Variants in SLCO2A1 observed in about 807,000 individuals in gnomAD.
The protein encoded by SLCO2A1 is matrin F/G 1.
In SLCO2A1, 60 loss-of-function variants were observed where a neutral mutation model predicts 71.7. The observed-to-expected ratio is 0.84, with a 90% CI of 0.68 to 1.04. The LOEUF is 1.04. Ranked by LOEUF, SLCO2A1 falls within the 50% of genes least tolerant of loss-of-function variation. The pLI, the probability that SLCO2A1 is intolerant of heterozygous loss-of-function variation, is 0.00. For synonymous variants in SLCO2A1, 308 were observed against 326.7 expected, an observed-to-expected ratio of 0.94 and a Z score of 0.62; for missense variants, 745 against 813.4, an observed-to-expected ratio of 0.92 and a Z score of 1.02.
intron 1 of SLCO2A1, among the ~76,000 whole-genome samples, chr3:133,995,690 C>T (rs115791879): frequency 4.6e-5 from 7 of 152,158 alleles, no homozygotes; most frequent in Admixed American, 1.3e-4. Flanking sequence ...ACCTGTGGTG[C>T]CAGCAAGGCA....
intron 12 of SLCO2A1, 92 bp from the exon 13 acceptor site, chr3:133,935,989 C>T: frequency 1.5e-6 from 2 of 1,341,506 alleles, no homozygotes; most frequent in Non-Finnish European, 9.8e-7. Context: ...ACACAGTTCA[C>T]ATACATGAGA....
At chr3:133,987,178 G>C (rs1934737325) in intron 1 of SLCO2A1, among the ~76,000 whole-genome samples, 1 of 62,974 alleles carries the variant, frequency 1.6e-5, no homozygotes, top group Non-Finnish European at 2.9e-5. Flanking sequence ...TCCCCATTGT[G>C]AATGGACTTC....
At chr3:133,938,922 T>C (rs1308222568) in intron 11 of SLCO2A1, among the ~76,000 whole-genome samples, 1 of 152,002 alleles carries the variant, frequency 6.6e-6, no homozygotes, top group African/African-American at 2.4e-5. Context: ...GGTGTGTTGA[T>C]AGCAGCAGGT....
At chr3:133,943,747 A>G (rs1933491967) in intron 10 of SLCO2A1, among the ~76,000 whole-genome samples, 1 of 152,216 alleles carries the variant, frequency 6.6e-6, no homozygotes, top group Admixed American at 6.5e-5. Flanking sequence ...AGAAGCCACC[A>G]CAACTGGAAG....
At chr3:133,942,511 G>T in intron 11 of SLCO2A1, 94 bp downstream of exon 11, 1 of 1,314,250 alleles carries the variant, frequency 7.6e-7, no homozygotes, top group Non-Finnish European at 1.0e-6. Flanking sequence ...ACAAAAGGGG[G>T]GAGAGATGAG....
At chr3:133,947,159 A>T in intron 9 of SLCO2A1, 97 bp downstream of exon 9, 1 of 1,079,926 alleles carries the variant, frequency 9.3e-7, no homozygotes, top group Non-Finnish European at 1.3e-6. Context: ...TGTACAGCAA[A>T]GAATAGAGTT....
chr3:133,942,647 A>G lies in SLCO2A1; in HGVS notation c.1583T>C (p.Ile528Thr), dbSNP rs765190728. ...GAGGGGGTTGTGGGAGATGCAGGCTATCAGGGACACGAAGGAGATGAGGAA... is the reference window on the plus strand; with the variant it reads ...GAGGGGGTTGTGGGAGATGCAGGCTGTCAGGGACACGAAGGAGATGAGGAA... ...AIFLISFVSL[I>T]ACISHNPLYM... Residue 528 changes from isoleucine to threonine, a missense_variant, in exon 11 of 14, where the codon ATA (isoleucine) becomes ACA (threonine). By Grantham distance (89) the Ile-to-Thr change is moderately conservative (BLOSUM62 -1). Transcript: ENST00000310926. 3.1e-6 allele frequency: 5 copies of G among 1,613,878 alleles called. No individual in the cohort carries two copies. The South Asian group carries it at 5.5e-5, about 18-fold the overall frequency.
chr3:133,992,416 C>A (rs1934874597), intron 1 of SLCO2A1, among the ~76,000 whole-genome samples: 1 of 152,180 alleles, frequency 6.6e-6, no homozygotes, highest in South Asian at 2.1e-4. Context: ...CACCAGTCAT[C>A]CTAAAAAGCT....
At position 133,942,689 on chromosome 3, in the gene SLCO2A1, A is replaced by G; in HGVS notation, c.1541T>C (p.Phe514Ser). 1 of 1,614,106 alleles carries G rather than the reference A, an allele frequency of 6.2e-7. No homozygotes were observed. Among genetic ancestry groups the G allele is most frequent in the Non-Finnish European group, 8.5e-7 (1 of 1,180,004 alleles). Residue 514 changes from phenylalanine to serine, a missense_variant, in exon 11 of 14, where the codon TTC becomes TCC. Physicochemically the swap from Phe to Ser is radical, Grantham distance 155. Transcript: ENST00000310926. ...GATGAGGAAGATGGCCGGGAGCAGG[A>G]AGTGGGCACAGGGGACAGGGCACGA... ...TGSCPVPCAH[F>S]LLPAIFLISF... is the part of the protein sequence containing the mutation.
intron 3 of SLCO2A1, among the ~76,000 whole-genome samples, chr3:133,968,157 G>T (rs1934232460): frequency 7.0e-6 from 1 of 143,492 alleles, no homozygotes; most frequent in Admixed American, 7.0e-5. Flanking sequence ...TCCTACCCAA[G>T]TCCTTCCCAT....
intron 9 of SLCO2A1, among the ~76,000 whole-genome samples, chr3:133,946,163 C>G (rs146375806): frequency 2.8e-3 from 419 of 151,948 alleles, no homozygotes; most frequent in African/African-American, 9.9e-3. Flanking sequence ...GAGCTCCCTA[C>G]CCCGAGCAAC....
At chr3:134,002,140 G>A (rs1001043899) in intron 1 of SLCO2A1, among the ~76,000 whole-genome samples, 7 of 152,180 alleles carry the variant, frequency 4.6e-5, no homozygotes, top group Non-Finnish European at 8.8e-5. Context: ...CTCCCAAAAC[G>A]TTTGCCATTT....
At chr3:133,996,124 G>A (rs1934958457) in intron 1 of SLCO2A1, among the ~76,000 whole-genome samples, 1 of 152,192 alleles carries the variant, frequency 6.6e-6, no homozygotes, top group African/African-American at 2.4e-5. Context: ...CTTGGGGCTG[G>A]TGGTGAACAG....
At chr3:133,950,783 C>T (rs1190027062) in intron 6 of SLCO2A1, among the ~76,000 whole-genome samples, 2 of 152,220 alleles carry the variant, frequency 1.3e-5, no homozygotes, top group African/African-American at 2.4e-5. Context: ...ATTTCAGCCA[C>T]CCTCAACACT....
chr3:133,949,889 G>GCAGT (rs1195906567), intron 6 of SLCO2A1, among the ~76,000 whole-genome samples: 4 of 152,106 alleles, frequency 2.6e-5, no homozygotes, highest in African/African-American at 9.7e-5. Flanking sequence ...GTGCAGTGGT[G>GCAGT]CAGTCATAGC....
chr3:133,960,104 A>T (rs528537504), intron 3 of SLCO2A1, among the ~76,000 whole-genome samples: 1 of 151,836 alleles, frequency 6.6e-6, no homozygotes, highest in African/African-American at 2.4e-5. Context: ...TGGGTGACAG[A>T]GCGAGACTCC....
rs71139603 is a variant in SLCO2A1, at chr3:134,004,093, CGTGTGTGTGTGTGT to C, written c.97-24489_97-24476del. ...AGCCAAATTTTGTAATGAATCTCTT[CGTGTGTGTGTGTGT>C]GTGTGTGTGTGTGTGTGTGTGTGTG... On this transcript the variant is annotated intron_variant, in intron 1 of 13. Transcript: ENST00000310926. Among the ~76,000 whole-genome samples the C allele has an allele frequency of 3.0e-3, 442 of 149,624 alleles. 6 individuals carry two copies. The highest frequency in any genetic ancestry group is 8.1e-3 in the African/African-American group (328 of 40,380).
At chr3:134,001,199 C>A (rs1935097236) in intron 1 of SLCO2A1, among the ~76,000 whole-genome samples, 1 of 151,944 alleles carries the variant, frequency 6.6e-6, no homozygotes, top group South Asian at 2.1e-4. Flanking sequence ...CTCACTGCAA[C>A]CTCTGCATTC....
intron 1 of SLCO2A1, among the ~76,000 whole-genome samples, chr3:134,002,387 T>G (rs572215453): frequency 5.4e-4 from 82 of 152,328 alleles, no homozygotes; most frequent in African/African-American, 1.9e-3. Flanking sequence ...AGGCCTTCCC[T>G]GGCAAACCTA....
Sources: allele counts gnomAD v4.1 joint callset (sites outside exome capture counted in the v4.1 genomes callset), GRCh38; gene constraint gnomAD v4.1.1; transcripts MANE v1.5; gene names NCBI Gene and HGNC (gene_info 2026-07-23, HGNC 2026-07-21).